PLIN5: variants seen among roughly 807,000 people sequenced by gnomAD.
PLIN5 encodes perilipin 5.
PLIN5 carries 34 observed loss-of-function variants against 32.8 expected under a neutral mutation model. That is an observed-to-expected ratio of 1.04 (90% CI 0.79 to 1.38). The LOEUF is 1.38. PLIN5 is among the 40% of genes most tolerant of loss of function. PLIN5 has a pLI of 0.00. For missense variants in PLIN5, 712 were observed against 660.5 expected, an observed-to-expected ratio of 1.08 and a Z score of -0.85; for synonymous variants, 309 against 292.9, an observed-to-expected ratio of 1.05 and a Z score of -0.56.
At chr19:4,528,558 G>A (rs1157330582) in intron 5 of PLIN5, 2 of 152,406 alleles carry the variant, frequency 1.3e-5, no homozygotes, top group South Asian at 2.0e-4. Context: ...ACAGGCACAC[G>A]CCACCACGCC....
rs527937254 is a variant in PLIN5, at chr19:4,525,554, G to A, written c.720+79C>T. On this transcript the variant is annotated intron_variant, in intron 6 of 7. Coordinates refer to ENST00000381848, the MANE Select transcript of PLIN5 (RefSeq NM_001013706.3). The surrounding 1 kb of genome is among the most constrained non-coding windows in gnomAD (Gnocchi z 5.6). ...TCCGCCTCCTGCTTTAGGCTAGCAC[G>A]GGATCCGGTATTCAGCTGGTGCTCA... is the stretch of plus-strand genomic sequence containing the variant. 6.5e-6 allele frequency: 10 copies of A among 1,537,320 alleles called. No individual in the cohort carries two copies. Among genetic ancestry groups the A allele is most frequent in the East Asian group, 4.5e-5 (2 of 43,990 alleles).
chr19:4,527,049 T>C (rs747337147), intron 5 of PLIN5, among the ~76,000 whole-genome samples: 115 of 151,376 alleles, frequency 7.6e-4, no homozygotes, highest in Admixed American at 3.6e-3. Context: ...CCAGCCTGGG[T>C]GACAGAACAA....
intron 5 of PLIN5, among the ~76,000 whole-genome samples, chr19:4,526,064 T>C (rs908738991): frequency 2.6e-5 from 4 of 152,050 alleles, no homozygotes; most frequent in African/African-American, 9.7e-5. Context: ...TTGACTGACA[T>C]CAACCCATTT....
chr19:4,528,000 C>A (rs1179473356), intron 5 of PLIN5, among the ~76,000 whole-genome samples: 2 of 151,860 alleles, frequency 1.3e-5, no homozygotes, highest in Admixed American at 6.6e-5. Context: ...AGCTCCACCC[C>A]CCGGGTTCAC....
intron 2 of PLIN5, chr19:4,532,782 A>T (rs531003076): frequency 2.7e-4 from 41 of 152,160 alleles, no homozygotes; most frequent in African/African-American, 9.6e-4. Flanking sequence ...CAATCCTCCA[A>T]CCTCAGTTTC....
Position 4,524,988 on chromosome 19 carries a change from G to A in PLIN5, c.809C>T (p.Pro270Leu), listed in dbSNP as rs1333812067. ...CTGGCTCCGGCGGCGGCTCTCCGGA[G>A]GGCGCTGGCCCCATTCCCCCCACAG... ...HELWGEWGQR[P>L]PESRRRSQAE... Residue 270 changes from proline to leucine, a missense_variant, in exon 7 of 8, where the codon CCT (proline) becomes CTT (leucine). Coordinates refer to ENST00000381848, the MANE Select transcript of PLIN5 (RefSeq NM_001013706.3). 1.3e-6 allele frequency: 2 copies of A among 1,528,858 alleles called. No homozygotes were observed. Among genetic ancestry groups the A allele is most frequent in the Non-Finnish European group, 8.8e-7 (1 of 1,138,144 alleles). 94.7% of individuals were successfully genotyped at this position (1,528,858 alleles called of 1,614,324 possible).
chr19:4,531,732 G>A lies in PLIN5; in HGVS notation c.151C>T (p.Pro51Ser). 1.3e-6 allele frequency: 2 copies of A among 1,597,184 alleles called. No homozygotes were observed. The highest frequency in any genetic ancestry group is 1.7e-6 in the Non-Finnish European group (2 of 1,174,858). Residue 51 changes from proline (P) to serine (S), a missense_variant, in exon 3 of 8, where the codon CCG (proline) becomes TCG (serine). Physicochemically the swap from Pro to Ser is moderately conservative, Grantham distance 74. Coordinates refer to ENST00000381848, the MANE Select transcript of PLIN5 (RefSeq NM_001013706.3). ...DVYSAAKDRH[P>S]LLGSACRLAE... ...AGGCGGCAGGCGGAGCCCAGCAGCG[G>A]GTGCCTGTCCTTGGCTGCACTGTAA...
chr19:4,523,937 G>A lies in PLIN5; in HGVS notation c.983C>T (p.Thr328Ile), dbSNP rs1348010860. 1.3e-6 allele frequency: 2 copies of A among 1,529,870 alleles called. No individual in the cohort carries two copies. The highest frequency in any genetic ancestry group is 8.7e-7 in the Non-Finnish European group (1 of 1,146,382). The allele number at this position is 1,529,870 out of a possible 1,614,324, so 94.8% of individuals were successfully genotyped here. A position where few individuals can be genotyped will look rare whatever the true frequency, so the allele number is the denominator to read the frequency against. Residue 328 changes from threonine to isoleucine, a missense_variant, in exon 8 of 8, where the codon ACC (threonine) becomes ATC (isoleucine). Physicochemically the swap from Thr to Ile is moderately conservative, Grantham distance 89. Transcript: ENST00000381848. This position sits in a 1 kb window ranked among gnomAD's most constrained non-coding sequence, Gnocchi z 5.0. Reference sequence around the variant, plus strand: ...GAAGCAGCGGGCATCAGCGAAGGCGGTCTGCAGGGCATCCACACTGCGCCG... The same window carrying A: ...GAAGCAGCGGGCATCAGCGAAGGCGATCTGCAGGGCATCCACACTGCGCCG... The part of the protein sequence containing the change: ...EVRRSVDALQ[T>I]AFADARCFRD...
chr19:4,524,899 C>T lies in PLIN5; in HGVS notation c.834+64G>A, dbSNP rs1369901375. 6 of 1,401,150 alleles carry T rather than the reference C, an allele frequency of 4.3e-6. No individual in the cohort carries two copies. In the South Asian group the frequency reaches 6.7e-5, roughly 16 times the overall value. The allele number at this position is 1,401,150 out of a possible 1,614,324, so 86.8% of individuals were successfully genotyped here. ...TACTGGGCTGACCCGCAGTCCGTCGCTCCCCCTCTTCCTCCGCGGCCTGGT... is the reference window on the plus strand; with the variant it reads ...TACTGGGCTGACCCGCAGTCCGTCGTTCCCCCTCTTCCTCCGCGGCCTGGT... On this transcript the variant is annotated intron_variant, in intron 7 of 7. Transcript: ENST00000381848.
chr19:4,531,208 C>T (rs920594979), intron 3 of PLIN5, among the ~76,000 whole-genome samples: 6 of 151,398 alleles, frequency 4.0e-5, no homozygotes, highest in African/African-American at 1.5e-4. Flanking sequence ...ACTATGTTGT[C>T]CAGGCTGGTC....
chr19:4,525,115 G>C lies in PLIN5; in HGVS notation c.721-39C>G, dbSNP rs1264455197. Reference sequence around the variant, plus strand: ...AATGGTGGTCTTCAGAGCTGGGGGAGCTGGGGGAGCTGGGGGTCGGGGTGG... The same window carrying C: ...AATGGTGGTCTTCAGAGCTGGGGGACCTGGGGGAGCTGGGGGTCGGGGTGG... On this transcript the variant is annotated intron_variant, in intron 6 of 7. Transcript: ENST00000381848. This position sits in a 1 kb window ranked among gnomAD's most constrained non-coding sequence, Gnocchi z 5.6. The C allele has an allele frequency of 4.5e-6, 5 of 1,108,062 alleles. No individual in the cohort carries two copies. Among genetic ancestry groups the C allele is most frequent in the Non-Finnish European group, 6.1e-6 (5 of 820,072 alleles). The allele number at this position is 1,108,062 out of a possible 1,614,324, so 68.6% of individuals were successfully genotyped here.
Position 4,523,065 on chromosome 19 carries a change from C to A in PLIN5, c.*463G>T, listed in dbSNP as rs1435131400. On this transcript the variant is annotated 3_prime_UTR_variant, in exon 8 of 8. Transcript: ENST00000381848. The surrounding 1 kb of genome is among the most constrained non-coding windows in gnomAD (Gnocchi z 5.0). ...AACTAGCTGGGACTACAGGTGCACA[C>A]CACCACACCTGGCTTTTTTTTTTTT... 2 of 151,600 alleles carry A rather than the reference C, an allele frequency of 1.3e-5. No individual in the cohort carries two copies. Among genetic ancestry groups the A allele is most frequent in the Non-Finnish European group, 2.9e-5 (2 of 68,586 alleles). 9.4% of individuals were successfully genotyped at this position (151,600 alleles called of 1,614,324 possible).
intron 5 of PLIN5, among the ~76,000 whole-genome samples, chr19:4,527,557 A>AAC (rs1976821546): frequency 6.7e-6 from 1 of 148,898 alleles, no homozygotes; most frequent in Non-Finnish European, 1.5e-5. Flanking sequence ...AAAAAAAAAA[A>AAC]AAAAAAAAAC....
At position 4,525,931 on chromosome 19, in the gene PLIN5, C is replaced by T. The variant is rs1188096499; in HGVS notation, c.521-99G>A. ...ACGGGGACAGGATACGGGGACAGCA[C>T]GGGGACAGGATACGGGGACAGCACG... On this transcript the variant is annotated intron_variant, in intron 5 of 7. Coordinates refer to ENST00000381848, the MANE Select transcript of PLIN5 (RefSeq NM_001013706.3). This position sits in a 1 kb window ranked among gnomAD's most constrained non-coding sequence, Gnocchi z 5.6. The T allele has an allele frequency of 2.6e-5, 15 of 579,444 alleles. No homozygotes were observed. Among genetic ancestry groups the T allele is most frequent in the Non-Finnish European group, 2.9e-5 (10 of 349,614 alleles). 35.9% of individuals were successfully genotyped at this position (579,444 alleles called of 1,614,324 possible).
At position 4,525,569 on chromosome 19, in the gene PLIN5, G is replaced by T. The variant is rs1976789672; in HGVS notation, c.720+64C>A. 1 of 1,576,624 alleles carries T rather than the reference G, an allele frequency of 6.3e-7. No individual in the cohort carries two copies. Among genetic ancestry groups the T allele is most frequent in the Non-Finnish European group, 8.6e-7 (1 of 1,157,994 alleles). ...AGGCTAGCACGGGATCCGGTATTCA[G>T]CTGGTGCTCAATCCATACTGATTGG... On this transcript the variant is annotated intron_variant, in intron 6 of 7. Coordinates refer to ENST00000381848, the MANE Select transcript of PLIN5 (RefSeq NM_001013706.3). The surrounding 1 kb of genome is among the most constrained non-coding windows in gnomAD (Gnocchi z 5.6).
At chr19:4,529,438 C>G (rs1314451498) in intron 4 of PLIN5, 185 bp from the exon 5 acceptor site, 20 of 617,828 alleles carry the variant, frequency 3.2e-5, no homozygotes. Flanking sequence ...GTTAACTGCC[C>G]TTACTAGCAA....
At chr19:4,533,755 A>C (rs948406201) in intron 2 of PLIN5, 1 of 560,562 alleles carries the variant, frequency 1.8e-6, no homozygotes, top group East Asian at 2.9e-5. Context: ...GTGGAGACCC[A>C]GGGATCAAAG....
chr19:4,525,603 C>T lies in PLIN5; in HGVS notation c.720+30G>A. On this transcript the variant is annotated intron_variant, in intron 6 of 7. Coordinates refer to ENST00000381848, the MANE Select transcript of PLIN5 (RefSeq NM_001013706.3). The surrounding 1 kb of genome is among the most constrained non-coding windows in gnomAD (Gnocchi z 5.6). ...CAATCCATACTGATTGGCCTGCATCCCGGAGCAGGGGCGGGCAGCGGGCTC... is the reference window on the plus strand; with the variant it reads ...CAATCCATACTGATTGGCCTGCATCTCGGAGCAGGGGCGGGCAGCGGGCTC... 6.2e-7 allele frequency: 1 copy of T among 1,608,728 alleles called. No individual in the cohort carries two copies.
rs1976792467 is a variant in PLIN5, at chr19:4,525,753, G to A, written c.600C>T (p.Arg200=). Residue 200 remains arginine (R), a synonymous_variant, in exon 6 of 8, where the codon CGC becomes CGT. Transcript: ENST00000381848. This position sits in a 1 kb window ranked among gnomAD's most constrained non-coding sequence, Gnocchi z 5.6. The stretch of plus-strand genomic sequence containing the variant: ...GGATCCGTGCTGACAGGGAGCCGAG[G>A]CGCACAAAGTAGCCCTGCTGTCTCC... ...DQRRQQGYFV[R]LGSLSARIRH... 3.1e-6 allele frequency: 5 copies of A among 1,613,540 alleles called. No homozygotes were observed. The highest frequency in any genetic ancestry group is 1.7e-5 in the Admixed American group (1 of 59,998).
Sources: allele counts gnomAD v4.1 joint callset (sites outside exome capture counted in the v4.1 genomes callset), GRCh38; gene constraint gnomAD v4.1.1; non-coding constraint Gnocchi (gnomAD v3.1); transcripts MANE v1.5; gene names NCBI Gene and HGNC (gene_info 2026-07-23, HGNC 2026-07-21).